Variants in MALRD1 observed in about 807,000 individuals in gnomAD.
The protein encoded by MALRD1 is MAM and LDL receptor class A domain containing 1.
MALRD1 carries 247 observed loss-of-function variants against 242.1 expected under a neutral mutation model. The ratio of observed to expected loss-of-function variants is 1.02; its 90% CI spans 0.92 to 1.13. MALRD1 has a LOEUF of 1.13. MALRD1 is among the 50% of genes most tolerant of loss of function. MALRD1 has a pLI of 0.00. For missense variants in MALRD1, 2,989 were observed against 2,533.1 expected (o/e 1.18, Z -3.86); for synonymous variants, 995 against 866.6 (o/e 1.15, Z -2.60).
intron 26 of MALRD1, among the ~76,000 whole-genome samples, chr10:19,365,918 A>G (rs958905651): frequency 6.6e-6 from 1 of 152,002 alleles, no homozygotes; most frequent in Non-Finnish European, 1.5e-5. Flanking sequence ...ACTCAGAGGC[A>G]ACCAGTATTT....
At chr10:19,144,010 G>C (rs527347393) in intron 10 of MALRD1, among the ~76,000 whole-genome samples, 1 of 152,244 alleles carries the variant, frequency 6.6e-6, no homozygotes, top group East Asian at 1.9e-4. Context: ...CCTAAGAAAA[G>C]AAAAACATAG....
intron 31 of MALRD1, among the ~76,000 whole-genome samples, chr10:19,525,964 A>G (rs1378730813): frequency 6.6e-6 from 1 of 152,304 alleles, no homozygotes; most frequent in Middle Eastern, 3.4e-3. Flanking sequence ...CTGTTCTGTG[A>G]ATGTTGTTGA....
intron 21 of MALRD1, among the ~76,000 whole-genome samples, chr10:19,318,954 TATA>T (rs898238153): frequency 2.4e-5 from 3 of 126,976 alleles, no homozygotes; most frequent in African/African-American, 6.2e-5. Flanking sequence ...AATATGTACA[TATA>T]ATAACGTACA....
chr10:19,126,246 T>C (rs1837279324), intron 7 of MALRD1, among the ~76,000 whole-genome samples: 1 of 152,152 alleles, frequency 6.6e-6, no homozygotes, highest in African/African-American at 2.4e-5. Context: ...TAATTTTTAA[T>C]GCTCAGAATG....
chr10:19,296,729 A>G lies in MALRD1; in HGVS notation c.3419+13548A>G, dbSNP rs1026245194. On this transcript the variant is annotated intron_variant, in intron 21 of 39. Transcript: ENST00000454679. The stretch of plus-strand genomic sequence containing the variant: ...ATTGACATATATGAGTATTTGTTAT[A>G]TAAAATAGTCTGTTGGAAGTCCTTC... 9.9e-5 allele frequency among the ~76,000 whole-genome samples: 15 copies of G among 151,596 alleles called. No homozygotes were observed. The East Asian group carries it at 2.1e-3, about 21-fold the overall frequency.
At chr10:19,551,946 G>T (rs1441810400) in intron 32 of MALRD1, among the ~76,000 whole-genome samples, 1 of 152,138 alleles carries the variant, frequency 6.6e-6, no homozygotes, top group East Asian at 1.9e-4. Context: ...AAGGCTACTT[G>T]ATTGTGGTAA....
chr10:19,199,540 C>G (rs1477884507), intron 14 of MALRD1, among the ~76,000 whole-genome samples: 2 of 152,122 alleles, frequency 1.3e-5, no homozygotes, highest in Non-Finnish European at 2.9e-5. Context: ...GTGGCTCACG[C>G]CTGTAATCTC....
intron 26 of MALRD1, 64 bp from the exon 27 acceptor site, chr10:19,387,464 T>G (rs1846132854): frequency 2.0e-6 from 3 of 1,492,964 alleles, no homozygotes; most frequent in Non-Finnish European, 2.7e-6. Flanking sequence ...TCTTACTGCT[T>G]TTTGACCTCA....
chr10:19,595,206 T>G lies in MALRD1; in HGVS notation c.5693T>G (p.Val1898Gly). The G allele has an allele frequency of 6.5e-7, 1 of 1,549,788 alleles. No homozygotes were observed. ...PECVTGGPVPVQPSPCEADQF... is the reference protein window; with the variant it reads ...PECVTGGPVPGQPSPCEADQF... ...CTCTCTTTTTTAGGTCCTGTCCCAG[T>G]GCAGCCATCACCCTGTGAAGCTGAT... is the stretch of plus-strand genomic sequence containing the variant. The change falls in exon 34 of 40, where the codon GTG becomes GGG. Residue 1898 changes from valine (V) to glycine (G), a missense_variant. Transcript: ENST00000454679.
intron 28 of MALRD1, among the ~76,000 whole-genome samples, chr10:19,445,542 C>T (rs945883751): frequency 6.6e-6 from 1 of 152,276 alleles, no homozygotes; most frequent in Admixed American, 6.5e-5. Context: ...CAGTCAGGAC[C>T]CTCAGCTGCA....
chr10:19,053,501 A>C (rs73591906), intron 1 of MALRD1, among the ~76,000 whole-genome samples: 4 of 152,276 alleles, frequency 2.6e-5, no homozygotes, highest in African/African-American at 9.6e-5. Flanking sequence ...CCTCCTGGCA[A>C]ATTGCTTCGT....
At chr10:19,053,131 A>T (rs2131202995) in intron 1 of MALRD1, among the ~76,000 whole-genome samples, 1 of 152,218 alleles carries the variant, frequency 6.6e-6, no homozygotes, top group Middle Eastern at 3.4e-3. Context: ...TCAGGTTTTG[A>T]TAAGGTGAAA....
At chr10:19,657,711 T>C (rs1841228106) in intron 36 of MALRD1, among the ~76,000 whole-genome samples, 1 of 152,210 alleles carries the variant, frequency 6.6e-6, no homozygotes, top group Middle Eastern at 3.2e-3. Flanking sequence ...TTATACTCTG[T>C]TAGCTATTTT....
intron 38 of MALRD1, among the ~76,000 whole-genome samples, chr10:19,699,124 G>A (rs1833503552): frequency 6.6e-6 from 1 of 151,778 alleles, no homozygotes; most frequent in Non-Finnish European, 1.5e-5. Flanking sequence ...CGGGTTGATG[G>A]GTGCAGCAAA....
intron 34 of MALRD1, among the ~76,000 whole-genome samples, chr10:19,600,216 C>T (rs6481993): frequency 0.51 from 78,199 of 151,906 alleles, 20,267 homozygotes; most frequent in African/African-American, 0.53. Context: ...ATGATCCCAA[C>T]ATCCGATAGT....
At chr10:19,675,228 A>G (rs997926382) in intron 36 of MALRD1, among the ~76,000 whole-genome samples, 3 of 152,190 alleles carry the variant, frequency 2.0e-5, no homozygotes, top group African/African-American at 7.2e-5. Flanking sequence ...GTGTTTTCAT[A>G]TTATAATCTC....
intron 34 of MALRD1, among the ~76,000 whole-genome samples, chr10:19,602,984 T>C (rs1345741817): frequency 5.9e-5 from 9 of 152,248 alleles, no homozygotes. Flanking sequence ...GTTGGCTGCA[T>C]AAATGCCTTC....
Position 19,640,276 on chromosome 10 carries a change from G to T in MALRD1, c.6137+24353G>T, listed in dbSNP as rs530572438. Reference sequence around the variant, plus strand: ...AGCTAATTTTTGTATTTTGGTAGAGGTGGGGTTTCACCATTTTGGCCAGGC... The same window carrying T: ...AGCTAATTTTTGTATTTTGGTAGAGTTGGGGTTTCACCATTTTGGCCAGGC... On this transcript the variant is annotated intron_variant, in intron 36 of 39. Transcript: ENST00000454679. Among the ~76,000 whole-genome samples, 83 of 151,978 alleles carry T rather than the reference G, an allele frequency of 5.5e-4. No individual in the cohort carries two copies. In the South Asian group the frequency reaches 0.016, roughly 30 times the overall value.
intron 36 of MALRD1, among the ~76,000 whole-genome samples, chr10:19,656,929 TG>T (rs536080872): frequency 1.5e-3 from 236 of 152,312 alleles, no homozygotes; most frequent in Non-Finnish European, 2.7e-3. Flanking sequence ...CGATCTGGTT[TG>T]TTTTTATTTT....
Sources: allele counts gnomAD v4.1 joint callset (sites outside exome capture counted in the v4.1 genomes callset), GRCh38; gene constraint gnomAD v4.1.1; transcripts MANE v1.5; gene names NCBI Gene and HGNC (gene_info 2026-07-23, HGNC 2026-07-21).